Variants in RGS9 observed in about 807,000 individuals in gnomAD.
RGS9 encodes the protein regulator of G protein signaling 9, also known as regulator of G-protein signalling 9.
A neutral mutation model predicts 102.0 loss-of-function variants in RGS9; 78 were observed. The observed-to-expected ratio is 0.76, with a 90% CI of 0.64 to 0.92. The LOEUF (loss-of-function observed/expected upper bound fraction) is 0.92, where lower values mean the gene tolerates loss of function less well. Ranked by LOEUF, RGS9 falls within the 40% of genes least tolerant of loss-of-function variation. The probability of loss-of-function intolerance (pLI) is 0.00; values close to 1 mark genes in which losing one functional copy is unlikely to be tolerated. For synonymous variants in RGS9, 353 were observed against 318.6 expected, an observed-to-expected ratio of 1.11 and a Z score of -1.15; for missense variants, 833 against 866.1, an observed-to-expected ratio of 0.96 and a Z score of 0.48.
rs1008001629 is a variant in RGS9, at chr17:65,227,447, G to T, written c.*40G>T. 4 of 1,592,070 alleles carry T rather than the reference G, an allele frequency of 2.5e-6. No homozygotes were observed. Among genetic ancestry groups the T allele is most frequent in the South Asian group, 1.1e-5 (1 of 88,944 alleles). ...TGAGCTGGGGGCTCTGGACCAGGAA[G>T]ATGCTCTGACAGATGCCATGGTATG... On this transcript the variant is annotated 3_prime_UTR_variant, in exon 19 of 19. Transcript: ENST00000262406.
chr17:65,211,303 T>C (rs1169946672), intron 17 of RGS9, among the ~76,000 whole-genome samples: 1 of 152,224 alleles, frequency 6.6e-6, no homozygotes, highest in African/African-American at 2.4e-5. Flanking sequence ...AGTTTGTTCT[T>C]AGTCATAATT....
chr17:65,192,417 C>T, intron 11 of RGS9, among the ~76,000 whole-genome samples: 1 of 151,962 alleles, frequency 6.6e-6, no homozygotes, highest in East Asian at 1.9e-4. Context: ...GAGTTGAAGA[C>T]CAGCCTGGGC....
At chr17:65,161,176 G>A (rs1910968297) in intron 6 of RGS9, among the ~76,000 whole-genome samples, 1 of 152,170 alleles carries the variant, frequency 6.6e-6, no homozygotes, top group Non-Finnish European at 1.5e-5. Flanking sequence ...ACTTCCTTTT[G>A]CCATCCCAAA....
chr17:65,209,912 T>A (rs73330407), intron 16 of RGS9, among the ~76,000 whole-genome samples: 8,118 of 152,200 alleles, frequency 0.053, 729 homozygotes, highest in African/African-American at 0.18. Flanking sequence ...AGCCTGCCTC[T>A]ACTAAAAATA....
chr17:65,223,803 T>C (rs1315905702), intron 17 of RGS9, among the ~76,000 whole-genome samples: 2 of 149,544 alleles, frequency 1.3e-5, no homozygotes, highest in African/African-American at 5.0e-5. Flanking sequence ...CAGGCTGGAG[T>C]GCAGTGACGC....
rs770961538 is a variant in RGS9, at chr17:65,190,228, C to G, written c.738C>G (p.Ser246=). The change falls in exon 11 of 19, where the codon TCC becomes TCG. Residue 246 remains serine (S), a synonymous_variant. Coordinates refer to ENST00000262406, the MANE Select transcript of RGS9 (RefSeq NM_003835.4). The part of the protein sequence containing the change: ...LMRSTVKSSV[S]LGGIVKYSEQ... ...GGTCCACAGTGAAGTCTTCTGTGTC[C>G]CTGGGAGGGTATGTCCCTGATTTGT... 2 of 1,612,642 alleles carry G rather than the reference C, an allele frequency of 1.2e-6. No individual in the cohort carries two copies. Among genetic ancestry groups the G allele is most frequent in the Admixed American group, 3.3e-5 (2 of 60,022 alleles).
intron 8 of RGS9, among the ~76,000 whole-genome samples, chr17:65,174,967 A>G (rs933395801): frequency 9.9e-5 from 15 of 152,108 alleles, no homozygotes; most frequent in African/African-American, 3.6e-4. Flanking sequence ...AGCATGGGGG[A>G]CACCACCCCC....
intron 1 of RGS9, among the ~76,000 whole-genome samples, chr17:65,138,753 G>C (rs1388002624): frequency 6.6e-6 from 1 of 152,144 alleles, no homozygotes; most frequent in African/African-American, 2.4e-5. Flanking sequence ...TCCTAGGACT[G>C]TCTCCTCCCA....
intron 1 of RGS9, among the ~76,000 whole-genome samples, chr17:65,151,384 A>G (rs1460874972): frequency 6.6e-6 from 1 of 150,392 alleles, no homozygotes; most frequent in Non-Finnish European, 1.5e-5. Context: ...TATTATTTCC[A>G]TTTGATTTTT....
chr17:65,210,402 G>T, intron 16 of RGS9, 86 bp from the exon 17 acceptor site: 1 of 1,491,072 alleles, frequency 6.7e-7, no homozygotes, highest in Non-Finnish European at 9.3e-7. Flanking sequence ...GGACCTTCCA[G>T]CCCCAGCTCC....
At chr17:65,151,245 C>T (rs1000423176) in intron 1 of RGS9, among the ~76,000 whole-genome samples, 42 of 151,454 alleles carry the variant, frequency 2.8e-4, no homozygotes, top group African/African-American at 8.7e-4. Context: ...CTCGGGAGGC[C>T]GAGGTAGGAC....
chr17:65,177,604 TC>T, intron 8 of RGS9, 127 bp from the exon 9 acceptor site: 1 of 946,104 alleles, frequency 1.1e-6, no homozygotes, highest in South Asian at 1.3e-5. Flanking sequence ...ACTCAAAGCT[TC>T]CCATGGGCTA....
intron 12 of RGS9, among the ~76,000 whole-genome samples, chr17:65,196,213 G>A (rs1912580129): frequency 1.3e-5 from 2 of 152,226 alleles, no homozygotes; most frequent in African/African-American, 4.8e-5. Flanking sequence ...ACAATGCTTT[G>A]TGAATGGCAG....
At chr17:65,197,922 C>T (rs913540159) in intron 13 of RGS9, among the ~76,000 whole-genome samples, 4 of 152,182 alleles carry the variant, frequency 2.6e-5, no homozygotes, top group Non-Finnish European at 5.9e-5. Context: ...CTGCCCTCCC[C>T]AGCCTCCCAA....
chr17:65,161,636 A>C (rs1489804476), intron 6 of RGS9, among the ~76,000 whole-genome samples: 1 of 152,130 alleles, frequency 6.6e-6, no homozygotes, highest in African/African-American at 2.4e-5. Flanking sequence ...CAAAGAACAC[A>C]TGCTAGCCCT....
At chr17:65,188,014 C>T (rs1488387971) in intron 9 of RGS9, among the ~76,000 whole-genome samples, 1 of 152,010 alleles carries the variant, frequency 6.6e-6, no homozygotes, top group African/African-American at 2.4e-5. Flanking sequence ...GCAATAACAA[C>T]AACAACAGCA....
rs1176526663 is a variant in RGS9, at chr17:65,208,009, C to A, written c.1289+2C>A. 4 of 1,603,884 alleles carry A rather than the reference C, an allele frequency of 2.5e-6. No homozygotes were observed. Among genetic ancestry groups the A allele is most frequent in the Non-Finnish European group, 3.4e-6 (4 of 1,170,948 alleles). On this transcript the variant is annotated splice_donor_variant, in intron 16 of 18. Transcript: ENST00000262406. LOFTEE classifies it high-confidence loss of function. ...ACCTCAGGAAACCACCAAGAAAAGG[C>A]AAGTGGAATTATCTGTAATTGCTGG...
At chr17:65,197,068 A>G in intron 12 of RGS9, 58 bp from the exon 13 acceptor site, 1 of 1,270,162 alleles carries the variant, frequency 7.9e-7, no homozygotes, top group Non-Finnish European at 1.1e-6. Context: ...ACCCCAACCC[A>G]GGCCACCACC....
intron 14 of RGS9, among the ~76,000 whole-genome samples, chr17:65,202,444 T>TGTGTGTGTGTGTGTGAGA (rs3838367): frequency 0.012 from 1,518 of 131,502 alleles, 12 homozygotes; most frequent in Middle Eastern, 0.02. Context: ...TGTGTGTGTG[T>TGTGTGTGTGTGTGTGAGA]GAGAGAGAGA....
Sources: allele counts gnomAD v4.1 joint callset (sites outside exome capture counted in the v4.1 genomes callset), GRCh38; gene constraint gnomAD v4.1.1; transcripts MANE v1.5; gene names NCBI Gene and HGNC (gene_info 2026-07-23, HGNC 2026-07-21).